Variants in PLXDC1 observed in about 807,000 individuals in gnomAD.
The protein encoded by PLXDC1 is plexin domain containing 1.
In PLXDC1, 39 loss-of-function variants were observed where a neutral mutation model predicts 61.3. That is an observed-to-expected ratio of 0.64 (90% confidence interval 0.49 to 0.83). The LOEUF is 0.83. Among genes scored for constraint, PLXDC1 ranks in the 40% least tolerant of loss-of-function variants. PLXDC1 has a pLI of 0.00. For missense variants in PLXDC1, 596 were observed against 666.5 expected (o/e 0.89, Z 1.17); for synonymous variants, 212 against 254.5 (o/e 0.83, Z 1.59).
chr17:39,132,658 C>T (rs1911603836), intron 2 of PLXDC1, among the ~76,000 whole-genome samples: 1 of 152,020 alleles, frequency 6.6e-6, no homozygotes, highest in African/African-American at 2.4e-5. Flanking sequence ...GCGGGGGGTG[C>T]CTGGCAGAGG....
chr17:39,125,559 G>A (rs1189185909), intron 2 of PLXDC1, among the ~76,000 whole-genome samples: 1 of 152,172 alleles, frequency 6.6e-6, no homozygotes, highest in Non-Finnish European at 1.5e-5. Context: ...ATTAGGACAA[G>A]GACAGACAAA....
At chr17:39,104,664 G>A (rs534853248) in intron 7 of PLXDC1, among the ~76,000 whole-genome samples, 212 of 152,202 alleles carry the variant, frequency 1.4e-3, no homozygotes, top group African/African-American at 5.0e-3. Flanking sequence ...TGTGCCTGTG[G>A]TCCCAGCTAC....
chr17:39,079,368 C>A, intron 9 of PLXDC1: 1 of 610,214 alleles, frequency 1.6e-6, no homozygotes, highest in Non-Finnish European at 3.1e-6. Context: ...ACCCAGCTCC[C>A]CAGGACCAAG....
At chr17:39,136,618 A>G (rs1306942533) in intron 2 of PLXDC1, among the ~76,000 whole-genome samples, 2 of 152,194 alleles carry the variant, frequency 1.3e-5, no homozygotes, top group Non-Finnish European at 2.9e-5. Flanking sequence ...ACAAGGAAAA[A>G]AACAGTAACA....
In PLXDC1 at chr17:39,087,687, C is replaced by G; in HGVS notation, c.827G>C (p.Ser276Thr). 6.2e-7 allele frequency: 1 copy of G among 1,613,626 alleles called. No homozygotes were observed. The highest frequency in any genetic ancestry group is 8.5e-7 in the Non-Finnish European group (1 of 1,179,686). Residue 276 changes from serine to threonine, a missense_variant, in exon 8 of 14, where the codon AGC (serine) becomes ACC (threonine). By Grantham distance (58) the Ser-to-Thr change is moderately conservative (BLOSUM62 1). Coordinates refer to ENST00000315392, the MANE Select transcript of PLXDC1 (RefSeq NM_020405.5). ...SPDVPESRRR[S>T]IFEYHRIELD... is the part of the protein sequence containing the mutation. ...CTCTATGCGGTGATATTCAAAGATG[C>G]TCCTTCGCCGAGATTCTGAAACAGA... is the stretch of plus-strand genomic sequence containing the variant.
At chr17:39,086,788 G>C (rs1177715295) in intron 8 of PLXDC1, among the ~76,000 whole-genome samples, 1 of 142,896 alleles carries the variant, frequency 7.0e-6, no homozygotes, top group Non-Finnish European at 1.5e-5. Context: ...CGTGAACCTG[G>C]GAGATAGAGA....
chr17:39,129,687 G>GAAAA lies in PLXDC1; in HGVS notation c.255+9963_255+9966dup, dbSNP rs757001699. 1.4e-3 allele frequency among the ~76,000 whole-genome samples: 49 copies of GAAAA among 34,560 alleles called. 2 individuals carry two copies. The South Asian group carries it at 0.05, about 35-fold the overall frequency. The allele number at this position is 34,560 out of a possible 152,430, so 22.7% of individuals were successfully genotyped here. On this transcript the variant is annotated intron_variant, in intron 2 of 13. Transcript: ENST00000315392. The stretch of plus-strand genomic sequence containing the variant: ...AAAGAAAGAGAGAGAGAGGGAGAAA[G>GAAAA]AAAAGAAAGAAAGAAAGAAAGAAGG...
At chr17:39,107,849 C>T in intron 5 of PLXDC1, 1 of 569,056 alleles carries the variant, frequency 1.8e-6, no homozygotes, top group African/African-American at 1.9e-5. Flanking sequence ...CAAGGGACAT[C>T]CTGGTGAATG....
intron 1 of PLXDC1, among the ~76,000 whole-genome samples, chr17:39,143,292 C>T (rs528452815): frequency 1.3e-5 from 2 of 152,212 alleles, no homozygotes; most frequent in Middle Eastern, 6.8e-3. Context: ...TCTGACATTC[C>T]CCACCTATGA....
chr17:39,144,473 T>C (rs1413338436), intron 1 of PLXDC1, among the ~76,000 whole-genome samples: 1 of 152,234 alleles, frequency 6.6e-6, no homozygotes, highest in Non-Finnish European at 1.5e-5. Context: ...CAACCCATAC[T>C]ACATCTGTTT....
chr17:39,088,963 A>AAAAGAG (rs1555570853), intron 7 of PLXDC1, among the ~76,000 whole-genome samples: 2 of 119,592 alleles, frequency 1.7e-5, no homozygotes, highest in African/African-American at 3.5e-5. Context: ...AAAAAAAAAA[A>AAAAGAG]AGAGAGAGAG....
chr17:39,134,470 CA>C lies in PLXDC1; in HGVS notation c.255+5183del, dbSNP rs1244297880. Among the ~76,000 whole-genome samples, 6 of 150,108 alleles carry C rather than the reference CA, an allele frequency of 4.0e-5. 1 individual carries two copies. The highest frequency in any genetic ancestry group is 1.5e-4 in the African/African-American group (6 of 40,814). Reference sequence around the variant, plus strand: ...GTGAAAGCCCGTCTCTACTGAAATACAAAAAATTAGCCGGGCTTGGTAGCAT... The same window carrying C: ...GTGAAAGCCCGTCTCTACTGAAATACAAAAATTAGCCGGGCTTGGTAGCAT... On this transcript the variant is annotated intron_variant, in intron 2 of 13. Transcript: ENST00000315392.
intron 7 of PLXDC1, among the ~76,000 whole-genome samples, chr17:39,102,771 G>T (rs1406774272): frequency 6.6e-6 from 1 of 151,326 alleles, no homozygotes; most frequent in Non-Finnish European, 1.5e-5. Flanking sequence ...CAGCTCTGGA[G>T]ATAACCCAGA....
At position 39,146,148 on chromosome 17, in the gene PLXDC1, G is replaced by T. The variant is rs74526067; in HGVS notation, c.76+5214C>A. Among the ~76,000 whole-genome samples, 989 of 146,528 alleles carry T rather than the reference G, an allele frequency of 6.7e-3. 12 individuals are homozygous for T. Among genetic ancestry groups the T allele is most frequent in the African/African-American group, 0.024 (930 of 38,678 alleles). ...TACATTGGTGTGATCTCAGCTCCCT[G>T]CAACCTCCACCTCTCGGGTTCAAGC... On this transcript the variant is annotated intron_variant, in intron 1 of 13. Transcript: ENST00000315392.
chr17:39,098,162 G>A (rs1044037724), intron 7 of PLXDC1, among the ~76,000 whole-genome samples: 3 of 136,890 alleles, frequency 2.2e-5, no homozygotes, highest in African/African-American at 8.3e-5. Context: ...CCGAGATTGC[G>A]CCATTGCACT....
At chr17:39,146,157 A>G (rs1160845893) in intron 1 of PLXDC1, among the ~76,000 whole-genome samples, 1 of 137,316 alleles carries the variant, frequency 7.3e-6, no homozygotes, top group Non-Finnish European at 1.5e-5. Context: ...TGCAACCTCC[A>G]CCTCTCGGGT....
intron 7 of PLXDC1, among the ~76,000 whole-genome samples, chr17:39,095,061 G>A (rs1027738360): frequency 5.9e-5 from 9 of 152,174 alleles, no homozygotes; most frequent in Non-Finnish European, 1.0e-4. Flanking sequence ...AGCCAGGGAA[G>A]CCAAGTCTCC....
chr17:39,079,088 TAC>T lies in PLXDC1; in HGVS notation c.1050+14_1050+15del. On this transcript the variant is annotated intron_variant, in intron 10 of 13. Transcript: ENST00000315392. Reference sequence around the variant, plus strand: ...CACCTGGCACAGGAGTTGCAGCAGATACTTATGCTTCTCACCTCCTGTGCACA... The same window carrying T: ...CACCTGGCACAGGAGTTGCAGCAGATTTATGCTTCTCACCTCCTGTGCACA... 6.2e-7 allele frequency: 1 copy of T among 1,610,322 alleles called. No individual in the cohort carries two copies. The highest frequency in any genetic ancestry group is 8.5e-7 in the Non-Finnish European group (1 of 1,176,910).
intron 7 of PLXDC1, among the ~76,000 whole-genome samples, chr17:39,103,295 G>A (rs576699844): frequency 6.6e-5 from 10 of 152,240 alleles, no homozygotes; most frequent in African/African-American, 2.4e-4. Context: ...TTGGGCACTG[G>A]GAGGCTTGCA....
Sources: allele counts gnomAD v4.1 joint callset (sites outside exome capture counted in the v4.1 genomes callset), GRCh38; gene constraint gnomAD v4.1.1; transcripts MANE v1.5; gene names NCBI Gene and HGNC (gene_info 2026-07-23, HGNC 2026-07-21).